The following SGCZ variants were observed in gnomAD, a reference collection of about 807,000 sequenced individuals.
SGCZ encodes the protein zeta-sarcoglycan.
In SGCZ, 40 loss-of-function variants were observed where a neutral mutation model predicts 41.3. That is an observed-to-expected ratio of 0.97 (90% CI 0.75 to 1.26). The LOEUF is 1.26. Ranked by LOEUF, SGCZ falls within the 50% of genes most tolerant of loss-of-function variation. The pLI is 0.00. For missense variants in SGCZ, 552 were observed against 369.8 expected, an observed-to-expected ratio of 1.49 and a Z score of -4.04; for synonymous variants, 206 against 137.5, an observed-to-expected ratio of 1.50 and a Z score of -3.49.
At chr8:15,189,547 C>A (rs1800463606) in intron 1 of SGCZ, among the ~76,000 whole-genome samples, 1 of 148,906 alleles carries the variant, frequency 6.7e-6, no homozygotes, top group African/African-American at 2.4e-5. Flanking sequence ...TTTCAAAATA[C>A]TTCATGAGGA....
chr8:14,134,656 C>A (rs1203626018), intron 5 of SGCZ, among the ~76,000 whole-genome samples: 2 of 152,154 alleles, frequency 1.3e-5, no homozygotes, highest in Non-Finnish European at 2.9e-5. Flanking sequence ...GGTAAATCCT[C>A]TTTACCTATG....
At chr8:15,193,232 T>C (rs543084216) in intron 1 of SGCZ, among the ~76,000 whole-genome samples, 9 of 152,176 alleles carry the variant, frequency 5.9e-5, no homozygotes, top group Admixed American at 1.3e-4. Context: ...CCAAAGACAT[T>C]TGGTAGAAGA....
intron 1 of SGCZ, among the ~76,000 whole-genome samples, chr8:15,063,699 C>A (rs1805022598): frequency 6.6e-6 from 1 of 152,096 alleles, no homozygotes; most frequent in African/African-American, 2.4e-5. Flanking sequence ...CACAGAAGAC[C>A]AGTGAACCAG....
chr8:14,327,028 T>C (rs1802143983), intron 2 of SGCZ, among the ~76,000 whole-genome samples: 6 of 152,194 alleles, frequency 3.9e-5, no homozygotes, highest in Non-Finnish European at 1.5e-5. Flanking sequence ...CTAACCATTA[T>C]TTTTCTCATT....
At chr8:14,473,438 C>A (rs1399951264) in intron 2 of SGCZ, among the ~76,000 whole-genome samples, 1 of 151,780 alleles carries the variant, frequency 6.6e-6, no homozygotes, top group Non-Finnish European at 1.5e-5. Context: ...CACCATCAAC[C>A]CTAGAATAAA....
chr8:15,237,744 G>C lies in SGCZ; in HGVS notation c.-121C>G. ...CTCCAAGCCCCGGCAGCTCCTCTCA[G>C]TCTCATTCTCCGTGGTCACGCCGCC... On this transcript the variant is annotated 5_prime_UTR_variant, in exon 1 of 8. Coordinates refer to ENST00000382080, the MANE Select transcript of SGCZ (RefSeq NM_139167.4). The C allele has an allele frequency of 1.0e-6, 1 of 989,124 alleles. No individual in the cohort carries two copies. Among genetic ancestry groups the C allele is most frequent in the Non-Finnish European group, 1.5e-6 (1 of 646,506 alleles). 61.3% of individuals were successfully genotyped at this position (989,124 alleles called of 1,614,324 possible).
At chr8:14,844,993 A>C (rs1162573819) in intron 1 of SGCZ, among the ~76,000 whole-genome samples, 1 of 152,304 alleles carries the variant, frequency 6.6e-6, no homozygotes, top group East Asian at 1.9e-4. Context: ...TTTAGGTGGA[A>C]AAGGCAGCTA....
At chr8:14,498,286 G>A (rs895687037) in intron 2 of SGCZ, among the ~76,000 whole-genome samples, 1 of 151,942 alleles carries the variant, frequency 6.6e-6, no homozygotes, top group Non-Finnish European at 1.5e-5. Context: ...ATTTTAAATG[G>A]AATTTTTTGG....
At chr8:14,829,664 C>A (rs946272497) in intron 1 of SGCZ, among the ~76,000 whole-genome samples, 4 of 150,520 alleles carry the variant, frequency 2.7e-5, no homozygotes, top group African/African-American at 9.8e-5. Flanking sequence ...ATACATTAGT[C>A]CGTTTCTTCT....
intron 1 of SGCZ, among the ~76,000 whole-genome samples, chr8:14,630,236 AT>A (rs10547341): frequency 0.29 from 42,337 of 146,864 alleles, 6,951 homozygotes; most frequent in East Asian, 0.62. Flanking sequence ...ATGTGTTTTG[AT>A]TTTTTTTTTT....
chr8:14,791,817 A>G (rs1800965086), intron 1 of SGCZ, among the ~76,000 whole-genome samples: 1 of 152,192 alleles, frequency 6.6e-6, no homozygotes, highest in South Asian at 2.1e-4. Flanking sequence ...AAACCTCCTC[A>G]GGACATTCTG....
At chr8:14,557,338 GA>G (rs1804064656) in intron 1 of SGCZ, among the ~76,000 whole-genome samples, 1 of 151,184 alleles carries the variant, frequency 6.6e-6, no homozygotes, top group Admixed American at 6.6e-5. Context: ...GTCTTTTGTT[GA>G]ATGTATAGAT....
intron 2 of SGCZ, among the ~76,000 whole-genome samples, chr8:14,371,302 T>C (rs1394466485): frequency 6.6e-6 from 1 of 151,990 alleles, no homozygotes; most frequent in Admixed American, 6.6e-5. Flanking sequence ...ATTATTAGAA[T>C]CATTAAAAAA....
At chr8:15,195,862 A>C (rs971334935) in intron 1 of SGCZ, among the ~76,000 whole-genome samples, 1 of 151,484 alleles carries the variant, frequency 6.6e-6, no homozygotes. Context: ...ATAAATTTAT[A>C]ATGGGTTTTA....
At chr8:14,556,658 A>G (rs1804043917) in intron 1 of SGCZ, among the ~76,000 whole-genome samples, 1 of 152,034 alleles carries the variant, frequency 6.6e-6, no homozygotes, top group African/African-American at 2.4e-5. Flanking sequence ...CTCACAGCTT[A>G]GCTCCCACTT....
At chr8:14,768,357 C>T (rs1349695945) in intron 1 of SGCZ, among the ~76,000 whole-genome samples, 1 of 152,128 alleles carries the variant, frequency 6.6e-6, no homozygotes, top group Admixed American at 6.6e-5. Context: ...ACTGAGTTTC[C>T]ATGTTGCGTC....
intron 1 of SGCZ, among the ~76,000 whole-genome samples, chr8:14,784,871 C>T (rs1177762338): frequency 1.8e-5 from 2 of 114,032 alleles, no homozygotes; most frequent in African/African-American, 6.9e-5. Flanking sequence ...CATTGCACTC[C>T]AACTTGGGTA....
At chr8:14,483,854 T>G (rs907712764) in intron 2 of SGCZ, among the ~76,000 whole-genome samples, 5 of 152,186 alleles carry the variant, frequency 3.3e-5, no homozygotes, top group African/African-American at 1.2e-4. Context: ...TAAGGTTGTT[T>G]TGATTATACA....
At chr8:14,494,610 T>TTTTCAATTTACCAATACTTGCAACA (rs1373744776) in intron 2 of SGCZ, among the ~76,000 whole-genome samples, 1 of 152,190 alleles carries the variant, frequency 6.6e-6, no homozygotes, top group Non-Finnish European at 1.5e-5. Flanking sequence ...TGATTTTGTA[T>TTTTCAATTTACCAATACTTGCAACA]TTTCAATTTA....
Sources: allele counts gnomAD v4.1 joint callset (sites outside exome capture counted in the v4.1 genomes callset), GRCh38; gene constraint gnomAD v4.1.1; transcripts MANE v1.5; gene names NCBI Gene and HGNC (gene_info 2026-07-23, HGNC 2026-07-21).